MFHAS1: variants seen among roughly 807,000 people sequenced by gnomAD.
The protein encoded by MFHAS1 is multifunctional ROCO family signaling regulator 1, also known as malignant fibrous histiocytoma-amplified sequence 1.
A neutral mutation model predicts 70.4 loss-of-function variants in MFHAS1; 50 were observed. That is an observed-to-expected ratio of 0.71 (90% CI 0.57 to 0.90). The LOEUF is 0.90. Among genes scored for constraint, MFHAS1 ranks in the 40% least tolerant of loss-of-function variants. The probability of loss-of-function intolerance (pLI) is 0.00; values close to 1 mark genes in which losing one functional copy is unlikely to be tolerated. For missense variants in MFHAS1, 1,795 were observed against 1,347.6 expected, an observed-to-expected ratio of 1.33 and a Z score of -5.20; for synonymous variants, 952 against 620.0, an observed-to-expected ratio of 1.54 and a Z score of -7.96.
chr8:8,892,590 G>C lies in MFHAS1; in HGVS notation c.469C>G (p.Leu157Val), dbSNP rs1276048690. 9 of 1,609,146 alleles carry C rather than the reference G, an allele frequency of 5.6e-6. No individual in the cohort carries two copies. Among genetic ancestry groups the C allele is most frequent in the South Asian group, 2.2e-5 (2 of 90,390 alleles). Residue 157 changes from leucine to valine, a missense_variant, in exon 1 of 3, where the codon CTC (leucine) becomes GTC (valine). Physicochemically the swap from Leu to Val is conservative, Grantham distance 32. Coordinates refer to ENST00000276282, the MANE Select transcript of MFHAS1 (RefSeq NM_004225.3). The surrounding 1 kb of genome is among the most constrained non-coding windows in gnomAD (Gnocchi z 4.7). Reference sequence around the variant, plus strand: ...ACATCCAGCTCCTCCAGGTGAGCGAGAGCGCCCAGCTGGGCGGGCAGGGCG... The same window carrying C: ...ACATCCAGCTCCTCCAGGTGAGCGACAGCGCCCAGCTGGGCGGGCAGGGCG... ...LPALPAQLGA[L>V]AHLEELDVSF...
At chr8:8,799,817 A>C (rs1412996593) in intron 1 of MFHAS1, among the ~76,000 whole-genome samples, 3 of 152,242 alleles carry the variant, frequency 2.0e-5, no homozygotes, top group African/African-American at 7.2e-5. Context: ...CAAAGGCCAC[A>C]CTGATAGCGC....
intron 2 of MFHAS1, among the ~76,000 whole-genome samples, chr8:8,788,179 A>G (rs895643779): frequency 2.6e-5 from 4 of 152,146 alleles, no homozygotes; most frequent in Admixed American, 6.5e-5. Flanking sequence ...TTTGATTCCT[A>G]TCTTCTCCAA....
At position 8,893,054 on chromosome 8, in the gene MFHAS1, G is replaced by C. The variant is rs1231510472; in HGVS notation, c.5C>G (p.Ala2Gly). The C allele has an allele frequency of 1.3e-6, 2 of 1,495,464 alleles. No individual in the cohort carries two copies. Among genetic ancestry groups the C allele is most frequent in the Non-Finnish European group, 1.8e-6 (2 of 1,130,382 alleles). 92.6% of individuals were successfully genotyped at this position (1,495,464 alleles called of 1,614,324 possible). A position where few individuals can be genotyped will look rare whatever the true frequency, so the allele number is the denominator to read the frequency against. Reference protein sequence around the residue: MAGMDSGNLKTA... With the variant: MGGMDSGNLKTA... ...CTTCAGGTTGCCACTGTCCATCCCA[G>C]CCATGGCGGGGCCCCGGGCCGACAG... Residue 2 changes from alanine to glycine, a missense_variant, in exon 1 of 3, where the codon GCT becomes GGT. Ala to Gly is a moderately conservative substitution (Grantham distance 60). Transcript: ENST00000276282.
intron 1 of MFHAS1, among the ~76,000 whole-genome samples, chr8:8,887,724 C>A (rs1809821695): frequency 6.6e-6 from 1 of 151,538 alleles, no homozygotes; most frequent in Non-Finnish European, 1.5e-5. Flanking sequence ...GATTGCAAAA[C>A]CAGGTGTGCC....
At chr8:8,790,961 G>A (rs1805699537) in intron 2 of MFHAS1, among the ~76,000 whole-genome samples, 2 of 152,150 alleles carry the variant, frequency 1.3e-5, no homozygotes, top group African/African-American at 2.4e-5. Context: ...GGAATTTAGT[G>A]GGGATCTTGC....
intron 1 of MFHAS1, among the ~76,000 whole-genome samples, chr8:8,856,038 C>T (rs966024311): frequency 1.1e-4 from 17 of 152,120 alleles, no homozygotes; most frequent in Admixed American, 9.8e-4. Context: ...GCTTTGAAAG[C>T]GAGCGGGGAC....
At position 8,877,469 on chromosome 8, in the gene MFHAS1, T is replaced by C. The variant is rs77258845; in HGVS notation, c.2998+12592A>G. 2.1e-4 allele frequency among the ~76,000 whole-genome samples: 32 copies of C among 152,282 alleles called. No individual in the cohort carries two copies. In the East Asian group the frequency reaches 6.2e-3, roughly 29 times the overall value. On this transcript the variant is annotated intron_variant, in intron 1 of 2. Coordinates refer to ENST00000276282, the MANE Select transcript of MFHAS1 (RefSeq NM_004225.3). ...TGTGTCAGATCCGAATTTGCCTTTATTGCAGGGTCTATTAGGGTAAGATTT... is the reference window on the plus strand; with the variant it reads ...TGTGTCAGATCCGAATTTGCCTTTACTGCAGGGTCTATTAGGGTAAGATTT...
intron 1 of MFHAS1, among the ~76,000 whole-genome samples, chr8:8,838,376 T>C (rs149941932): frequency 6.2e-4 from 95 of 152,356 alleles, no homozygotes; most frequent in African/African-American, 2.2e-3. Context: ...ATAGTTAAAA[T>C]GGTACATTTT....
chr8:8,887,731 T>C (rs1237587327), intron 1 of MFHAS1, among the ~76,000 whole-genome samples: 3 of 151,682 alleles, frequency 2.0e-5, no homozygotes, highest in Non-Finnish European at 4.4e-5. Flanking sequence ...AAACCAGGTG[T>C]GCCTCATTTG....
chr8:8,827,942 A>C (rs1187515614), intron 1 of MFHAS1, among the ~76,000 whole-genome samples: 1 of 151,822 alleles, frequency 6.6e-6, no homozygotes, highest in Non-Finnish European at 1.5e-5. Context: ...TATGTAGTTT[A>C]TTTTTATCTA....
At chr8:8,815,625 G>A (rs1006640645) in intron 1 of MFHAS1, among the ~76,000 whole-genome samples, 2 of 152,114 alleles carry the variant, frequency 1.3e-5, no homozygotes, top group Non-Finnish European at 2.9e-5. Context: ...CAGTGATGTT[G>A]AGCTTTTTTT....
Position 8,891,219 on chromosome 8 carries a change from G to A in MFHAS1, c.1840C>T (p.Leu614Phe). Residue 614 changes from leucine (L) to phenylalanine (F), a missense_variant, in exon 1 of 3, where the codon CTC (leucine) becomes TTC (phenylalanine). Coordinates refer to ENST00000276282, the MANE Select transcript of MFHAS1 (RefSeq NM_004225.3). The surrounding 1 kb of genome is among the most constrained non-coding windows in gnomAD (Gnocchi z 5.4). ...GAGAGGATCTGCAGCCGGTGGTTGA[G>A]CAGGTATTGAAAATGGGCCTTGCGC... ...RRRKAHFQYLLNHRLQILSPV... is the reference protein window; with the variant it reads ...RRRKAHFQYLFNHRLQILSPV... 1 of 1,612,624 alleles carries A rather than the reference G, an allele frequency of 6.2e-7. No individual in the cohort carries two copies. Among genetic ancestry groups the A allele is most frequent in the Non-Finnish European group, 8.5e-7 (1 of 1,180,038 alleles).
intron 1 of MFHAS1, among the ~76,000 whole-genome samples, chr8:8,862,761 T>C (rs2116892374): frequency 1.3e-5 from 2 of 152,328 alleles, no homozygotes; most frequent in Admixed American, 1.3e-4. Flanking sequence ...GTTCATCGAT[T>C]GTAACCAGTC....
chr8:8,848,569 C>G (rs1157370689), intron 1 of MFHAS1, among the ~76,000 whole-genome samples: 1 of 152,174 alleles, frequency 6.6e-6, no homozygotes, highest in African/African-American at 2.4e-5. Flanking sequence ...TAAAATACTT[C>G]ATGAGATAAA....
At chr8:8,838,692 A>C (rs1201535034) in intron 1 of MFHAS1, among the ~76,000 whole-genome samples, 1 of 152,026 alleles carries the variant, frequency 6.6e-6, no homozygotes, top group African/African-American at 2.4e-5. Flanking sequence ...GGGTGCCTGT[A>C]ATTCCAGCTA....
chr8:8,864,160 T>C (rs1585058998), intron 1 of MFHAS1, among the ~76,000 whole-genome samples: 3 of 152,216 alleles, frequency 2.0e-5, no homozygotes, highest in Non-Finnish European at 4.4e-5. Context: ...CTGGCAACAC[T>C]TGTCTCAGCA....
At chr8:8,834,724 G>A (rs1807535260) in intron 1 of MFHAS1, among the ~76,000 whole-genome samples, 2 of 152,142 alleles carry the variant, frequency 1.3e-5, no homozygotes, top group Admixed American at 6.5e-5. Flanking sequence ...CCATCATTAA[G>A]GGATGCATGA....
chr8:8,825,828 T>G (rs994818980), intron 1 of MFHAS1, among the ~76,000 whole-genome samples: 2 of 152,230 alleles, frequency 1.3e-5, no homozygotes, highest in Non-Finnish European at 2.9e-5. Context: ...TTTAAAATCC[T>G]GGATGTCTTT....
In MFHAS1 at chr8:8,891,685, G is replaced by A. The variant is rs752654111; in HGVS notation, c.1374C>T (p.Ile458=). ...PPSPPPVSKG[I]EVTSWTADAS... The stretch of plus-strand genomic sequence containing the variant: ...CATCGGCCGTCCAGCTGGTCACCTC[G>A]ATGCCCTTGCTCACAGGGGGAGGTG... Residue 458 remains isoleucine, a synonymous_variant, in exon 1 of 3, where the codon ATC becomes ATT. Coordinates refer to ENST00000276282, the MANE Select transcript of MFHAS1 (RefSeq NM_004225.3). This position sits in a 1 kb window ranked among gnomAD's most constrained non-coding sequence, Gnocchi z 5.4. 3 of 1,613,558 alleles carry A rather than the reference G, an allele frequency of 1.9e-6. No homozygotes were observed. Among genetic ancestry groups the A allele is most frequent in the Non-Finnish European group, 2.5e-6 (3 of 1,180,028 alleles).
Sources: gnomAD v4.1 joint callset for allele counts (sites outside exome capture counted in the v4.1 genomes callset) on GRCh38, gnomAD v4.1.1 for gene constraint, Gnocchi (gnomAD v3.1) non-coding constraint, MANE v1.5 for transcripts, NCBI Gene and HGNC (gene_info 2026-07-23, HGNC 2026-07-21) for gene names.